PCNX2: variants seen among roughly 807,000 people sequenced by gnomAD.
The protein encoded by PCNX2 is pecanex-like protein 2.
In PCNX2, 168 loss-of-function variants were observed where a neutral mutation model predicts 223.8. The observed-to-expected ratio is 0.75, with a 90% confidence interval of 0.66 to 0.85. PCNX2 has a LOEUF of 0.85. Ranked by LOEUF, PCNX2 falls within the 40% of genes least tolerant of loss-of-function variation. The pLI is 0.00. For missense variants in PCNX2, 2,507 were observed against 2,675.5 expected (o/e 0.94, Z 1.39); for synonymous variants, 1,006 against 1,052.6 (o/e 0.96, Z 0.86).
intron 14 of PCNX2, 57 bp from the exon 15 acceptor site, chr1:233,199,087 A>C: frequency 1.4e-6 from 2 of 1,455,434 alleles, no homozygotes; most frequent in Non-Finnish European, 1.9e-6. Context: ...AAATCAACAA[A>C]TGTAAAACAG....
chr1:233,191,323 T>C (rs1292820260), intron 15 of PCNX2, among the ~76,000 whole-genome samples: 2 of 152,206 alleles, frequency 1.3e-5, no homozygotes, highest in African/African-American at 4.8e-5. Flanking sequence ...TACGAACGTT[T>C]CAACTTCTGC....
chr1:233,190,086 A>C (rs16858825), intron 15 of PCNX2, among the ~76,000 whole-genome samples: 10,479 of 152,280 alleles, frequency 0.069, 612 homozygotes, highest in East Asian at 0.32. Context: ...GATAATAATA[A>C]AAATTAAGGA....
At chr1:233,069,850 C>G (rs1572067024) in intron 23 of PCNX2, among the ~76,000 whole-genome samples, 1 of 151,736 alleles carries the variant, frequency 6.6e-6, no homozygotes, top group East Asian at 1.9e-4. Context: ...GCAAAGAAAA[C>G]CCAAAGCAAG....
chr1:232,984,806 C>A, intron 33 of PCNX2: 1 of 224,740 alleles, frequency 4.4e-6, no homozygotes, highest in Non-Finnish European at 8.7e-6. Flanking sequence ...CACACTTAGC[C>A]CCTGTCATGA....
intron 23 of PCNX2, among the ~76,000 whole-genome samples, chr1:233,086,040 G>C (rs1241121592): frequency 1.3e-5 from 2 of 152,160 alleles, no homozygotes; most frequent in Middle Eastern, 3.2e-3. Context: ...AACTGTTAGA[G>C]GAATTTAGGA....
intron 1 of PCNX2, among the ~76,000 whole-genome samples, chr1:233,282,479 G>C (rs997419441): frequency 2.0e-5 from 3 of 152,088 alleles, no homozygotes; most frequent in African/African-American, 7.2e-5. Context: ...TAGGTGTTCG[G>C]TTTCCCTACC....
chr1:233,258,381 G>C lies in PCNX2; in HGVS notation c.1481C>G (p.Ser494Cys). The stretch of plus-strand genomic sequence containing the variant: ...GGAGCCTGTATCAGGTGTAAGCCGG[G>C]ACACCGATTCCCAGGGTTCCCGTGA... Reference protein sequence around the residue: ...SSSREPWESVSRLTPDTGSES... With the variant: ...SSSREPWESVCRLTPDTGSES... Residue 494 changes from serine to cysteine, a missense_variant, in exon 5 of 34, where the codon TCC (serine) becomes TGC (cysteine). By Grantham distance (112) the Ser-to-Cys change is moderately radical (BLOSUM62 -1). Coordinates refer to ENST00000258229, the MANE Select transcript of PCNX2 (RefSeq NM_014801.4). 3.7e-6 allele frequency: 6 copies of C among 1,613,942 alleles called. No individual in the cohort carries two copies. The highest frequency in any genetic ancestry group is 5.1e-6 in the Non-Finnish European group (6 of 1,179,882).
rs770256352 is a variant in PCNX2, at chr1:233,261,930, G to C, written c.480+115C>G. On this transcript the variant is annotated intron_variant, in intron 3 of 33. Transcript: ENST00000258229. ...TGGGATGTGATATTCCACTGTACAC[G>C]GGCCAGTGATTACAGCATGCAAGCT... The C allele has an allele frequency of 3.4e-6, 5 of 1,461,748 alleles. No individual in the cohort carries two copies. In the African/African-American group the frequency reaches 7.0e-5, roughly 20 times the overall value. The allele number at this position is 1,461,748 out of a possible 1,614,324, so 90.5% of individuals were successfully genotyped here.
intron 21 of PCNX2, among the ~76,000 whole-genome samples, chr1:233,098,315 T>C (rs189500777): frequency 8.1e-4 from 123 of 152,342 alleles, no homozygotes; most frequent in African/African-American, 2.6e-3. Context: ...AGTTGGAAGC[T>C]CTAACAAGTT....
chr1:233,160,151 T>G (rs1324080877), intron 19 of PCNX2, 132 bp downstream of exon 19: 1 of 954,606 alleles, frequency 1.0e-6, no homozygotes, highest in Non-Finnish European at 1.5e-6. Context: ...ATACACATAA[T>G]GTACCATCTG....
At chr1:232,989,170 C>A (rs1669602659) in intron 32 of PCNX2, among the ~76,000 whole-genome samples, 1 of 152,200 alleles carries the variant, frequency 6.6e-6, no homozygotes, top group African/African-American at 2.4e-5. Flanking sequence ...AAACTGCTCA[C>A]TCGGCCGGGC....
At chr1:233,022,662 G>A (rs1670935486) in intron 26 of PCNX2, among the ~76,000 whole-genome samples, 1 of 151,422 alleles carries the variant, frequency 6.6e-6, no homozygotes, top group East Asian at 1.9e-4. Context: ...GGTAGCAGAT[G>A]AAAGAGTCTA....
intron 28 of PCNX2, among the ~76,000 whole-genome samples, chr1:233,003,994 G>A (rs1389330612): frequency 6.6e-6 from 1 of 152,152 alleles, no homozygotes; most frequent in African/African-American, 2.4e-5. Context: ...ACACACCGGG[G>A]CCTGTTGGAG....
chr1:233,235,961 T>TAA (rs1558376560), intron 9 of PCNX2, among the ~76,000 whole-genome samples: 19 of 96,150 alleles, frequency 2.0e-4, no homozygotes, highest in African/African-American at 6.7e-4. Context: ...AAAAAAAATA[T>TAA]ATATATATAT....
intron 9 of PCNX2, among the ~76,000 whole-genome samples, chr1:233,231,448 A>G (rs544837133): frequency 1.3e-5 from 2 of 152,324 alleles, no homozygotes; most frequent in Admixed American, 1.3e-4. Context: ...ATAAAAACGA[A>G]AACAGATAAT....
chr1:233,014,623 G>A, intron 28 of PCNX2, 42 bp downstream of exon 28: 1 of 1,471,676 alleles, frequency 6.8e-7, no homozygotes, highest in East Asian at 2.3e-5. Flanking sequence ...TGTGAAAGTG[G>A]GTGCCTGTAC....
At chr1:233,295,998 C>CTTTTTTTTTTTT (rs201102619), upstream of PCNX2, among the ~76,000 whole-genome samples, 4 of 96,884 alleles carry the variant, frequency 4.1e-5, no homozygotes, top group East Asian at 5.9e-4. The surrounding 1 kb of genome is among the most constrained non-coding windows in gnomAD (Gnocchi z 4.1). Flanking sequence ...TTCTTTCTTT[C>CTTTTTTTTTTTT]TTTCTTTTTT....
At chr1:233,228,543 G>A (rs1226386784) in intron 9 of PCNX2, among the ~76,000 whole-genome samples, 1 of 152,068 alleles carries the variant, frequency 6.6e-6, no homozygotes, top group African/African-American at 2.4e-5. Flanking sequence ...CCTCATGTAA[G>A]TGAGATCACA....
At chr1:233,307,150 A>T in the PCNX2 span, among the ~76,000 whole-genome samples, 2 of 152,220 alleles carry the variant, frequency 1.3e-5, no homozygotes, top group Non-Finnish European at 2.9e-5. Flanking sequence ...ATGGTTACAA[A>T]ATCCTCTGTG....
Sources: gnomAD v4.1 joint callset for allele counts (sites outside exome capture counted in the v4.1 genomes callset) on GRCh38, gnomAD v4.1.1 for gene constraint, Gnocchi (gnomAD v3.1) non-coding constraint, MANE v1.5 for transcripts, NCBI Gene and HGNC (gene_info 2026-07-23, HGNC 2026-07-21) for gene names.